Variants in SMIM41 observed in about 807,000 individuals in gnomAD.
SMIM41 encodes small integral membrane protein 41.
chr12:52,080,210 C>T (rs1159532004), intron 1 of SMIM41, 29 bp downstream of exon 1: 3 of 292,104 alleles, frequency 1.0e-5, no homozygotes, highest in Non-Finnish European at 1.3e-5. Flanking sequence ...GGAGTGTGGG[C>T]GCGGGGGTTC....
intron 2 of SMIM41, among the ~76,000 whole-genome samples, chr12:52,100,182 A>G (rs545073021): frequency 1.3e-5 from 2 of 152,146 alleles, no homozygotes; most frequent in African/African-American, 4.8e-5. Context: ...ATCAGGAACA[A>G]TATCACAGGG....
intron 2 of SMIM41, among the ~76,000 whole-genome samples, chr12:52,096,732 T>A (rs969873091): frequency 2.0e-5 from 3 of 151,808 alleles, no homozygotes; most frequent in African/African-American, 7.3e-5. Flanking sequence ...GTAGTGATTT[T>A]AAAAATTATA....
chr12:52,093,215 CA>C (rs148348259), intron 2 of SMIM41, among the ~76,000 whole-genome samples: 2,242 of 152,138 alleles, frequency 0.015, 52 homozygotes, highest in African/African-American at 0.051. Flanking sequence ...CAACAACAAA[CA>C]AAAAACCCCA....
At chr12:52,100,874 A>G (rs1394708529) in intron 2 of SMIM41, among the ~76,000 whole-genome samples, 1 of 152,182 alleles carries the variant, frequency 6.6e-6, no homozygotes, top group East Asian at 1.9e-4. Context: ...GGGAAGTAGA[A>G]AAGAATAAAA....
intron 2 of SMIM41, among the ~76,000 whole-genome samples, chr12:52,087,039 C>A (rs984947672): frequency 1.3e-5 from 2 of 152,234 alleles, no homozygotes; most frequent in South Asian, 4.1e-4. Flanking sequence ...CTGGCCCTCG[C>A]TGCAGCCAGC....
chr12:52,090,865 C>T lies in SMIM41; in HGVS notation c.*195+6897C>T, dbSNP rs116674548. 2.8e-3 allele frequency among the ~76,000 whole-genome samples: 424 copies of T among 152,290 alleles called. 1 individual carries two copies. Among genetic ancestry groups the T allele is most frequent in the Non-Finnish European group, 4.7e-3 (320 of 68,034 alleles). ...AGCTTCTTCTTGAATACAGATCCCA[C>T]GCCTGGCTGCCATCCTCACCATCCT... On this transcript the variant is annotated intron_variant, in intron 2 of 2. Coordinates refer to ENST00000546390, the MANE Select transcript of SMIM41 (RefSeq NM_001369216.1).
chr12:52,098,461 T>A (rs1940143104), intron 2 of SMIM41, among the ~76,000 whole-genome samples: 1 of 151,654 alleles, frequency 6.6e-6, no homozygotes, highest in Non-Finnish European at 1.5e-5. Flanking sequence ...CCCTGCGATA[T>A]TTGGAGTAAT....
chr12:52,103,791 C>T (rs1373886446), intron 2 of SMIM41, among the ~76,000 whole-genome samples: 1 of 152,080 alleles, frequency 6.6e-6, no homozygotes, highest in Non-Finnish European at 1.5e-5. Context: ...CGGTATGATT[C>T]CACTTATATC....
Position 52,107,458 on chromosome 12 carries a change from CT to C in SMIM41, c.*276del, listed in dbSNP as rs1270345146. The stretch of plus-strand genomic sequence containing the variant: ...GTGCCTGGTCATGGTGCTGGGGAAC[CT>C]GCTCATCATCCGGCCATGAGCCCTG... On this transcript the variant is annotated 3_prime_UTR_variant, in exon 3 of 3. Transcript: ENST00000546390. The C allele has an allele frequency of 1.3e-5, 8 of 611,782 alleles. No homozygotes were observed. The highest frequency in any genetic ancestry group is 2.5e-5 in the Non-Finnish European group (8 of 314,452). 37.9% of individuals were successfully genotyped at this position (611,782 alleles called of 1,614,324 possible).
At chr12:52,088,619 G>A (rs1043258514) in intron 2 of SMIM41, among the ~76,000 whole-genome samples, 11 of 152,176 alleles carry the variant, frequency 7.2e-5, no homozygotes, top group African/African-American at 2.7e-4. Flanking sequence ...TCTGCCTGAC[G>A]GAAAGCTTTG....
intron 2 of SMIM41, among the ~76,000 whole-genome samples, chr12:52,102,021 A>G (rs1940227009): frequency 6.6e-6 from 1 of 152,096 alleles, no homozygotes; most frequent in Admixed American, 6.6e-5. Context: ...CCCATGCTGT[A>G]TCTTTATCTG....
At chr12:52,092,833 C>T (rs1165768875) in intron 2 of SMIM41, 7 of 151,924 alleles carry the variant, frequency 4.6e-5, no homozygotes, top group Non-Finnish European at 1.0e-4. Context: ...TTTAAATTTA[C>T]TTTTTTTTAG....
rs372640638 is a variant in SMIM41 at position 52,081,793 on chromosome 12, G to A, written c.*120+1612G>A. ...CTGGGAACCCCTTTCTTTTACACGC[G>A]GGAGAACAGTAAGTGACATGCTCAC... On this transcript the variant is annotated intron_variant, in intron 1 of 2. Transcript: ENST00000546390. The surrounding 1 kb of genome is among the most constrained non-coding windows in gnomAD (Gnocchi z 4.1). Among the ~76,000 whole-genome samples the A allele has an allele frequency of 2.1e-4, 32 of 152,242 alleles. No individual in the cohort carries two copies. The highest frequency in any genetic ancestry group is 7.5e-4 in the African/African-American group (31 of 41,528).
chr12:52,082,290 G>A (rs1371999516), intron 1 of SMIM41, among the ~76,000 whole-genome samples: 3 of 152,256 alleles, frequency 2.0e-5, no homozygotes, highest in South Asian at 2.1e-4. Context: ...ATTTGGTGCC[G>A]GGAAGGGCTG....
At chr12:52,098,229 T>G (rs944135287) in intron 2 of SMIM41, among the ~76,000 whole-genome samples, 21 of 151,982 alleles carry the variant, frequency 1.4e-4, no homozygotes, top group Non-Finnish European at 2.9e-4. Flanking sequence ...ACACCCTCTG[T>G]GATGTTGGGA....
At chr12:52,103,351 T>TAAAACCAAAAAAAAAAAAAA (rs1940259136) in intron 2 of SMIM41, among the ~76,000 whole-genome samples, 7 of 61,230 alleles carry the variant, frequency 1.1e-4, no homozygotes, top group Admixed American at 3.3e-4. Flanking sequence ...CAAAATAAAA[T>TAAAACCAAAAAAAAAAAAAA]AAAACCAAAA....
At chr12:52,085,341 G>A (rs1384971028) in intron 2 of SMIM41, among the ~76,000 whole-genome samples, 5 of 152,142 alleles carry the variant, frequency 3.3e-5, no homozygotes, top group East Asian at 3.9e-4. Context: ...TTCTGGCACC[G>A]TAGTTATTAG....
intron 2 of SMIM41, among the ~76,000 whole-genome samples, chr12:52,100,339 CA>C (rs534398696): frequency 6.6e-6 from 1 of 152,094 alleles, no homozygotes; most frequent in South Asian, 2.1e-4. Flanking sequence ...CACAATATCA[CA>C]AAAAGGTGTA....
At chr12:52,104,858 T>A (rs1313589646) in intron 2 of SMIM41, among the ~76,000 whole-genome samples, 1 of 152,178 alleles carries the variant, frequency 6.6e-6, no homozygotes, top group African/African-American at 2.4e-5. Flanking sequence ...CACCATGGCA[T>A]CATGAACCCT....
Sources: gnomAD v4.1 joint callset for allele counts (sites outside exome capture counted in the v4.1 genomes callset) on GRCh38, gnomAD v4.1.1 for gene constraint, Gnocchi (gnomAD v3.1) non-coding constraint, MANE v1.5 for transcripts, NCBI Gene and HGNC (gene_info 2026-07-23, HGNC 2026-07-21) for gene names.